The following HACD1 variants were observed in gnomAD, a reference collection of about 807,000 sequenced individuals.
HACD1 encodes the protein 3-hydroxyacyl-CoA dehydratase 1, also known as very-long-chain (3R)-3-hydroxyacyl-CoA dehydratase 1.
Under a neutral mutation model 32.0 loss-of-function variants are expected in HACD1, and 41 were observed. The ratio of observed to expected loss-of-function variants is 1.28; its 90% CI spans 1.00 to 1.66. The LOEUF (loss-of-function observed/expected upper bound fraction) is 1.66, where lower values mean the gene tolerates loss of function less well. Ranked by LOEUF, HACD1 falls within the 40% of genes most tolerant of loss-of-function variation. The probability of loss-of-function intolerance (pLI) is 0.00; values close to 1 mark genes in which losing one functional copy is unlikely to be tolerated. For missense variants in HACD1, 396 were observed against 380.1 expected (o/e 1.04, Z -0.35); for synonymous variants, 142 against 139.0 (o/e 1.02, Z -0.15).
chr10:17,597,936 A>T (rs1481280225), intron 5 of HACD1, among the ~76,000 whole-genome samples: 1 of 152,196 alleles, frequency 6.6e-6, no homozygotes, highest in Non-Finnish European at 1.5e-5. Context: ...TGTCTAAAAA[A>T]GAGCTAGAGA....
intron 4 of HACD1, among the ~76,000 whole-genome samples, chr10:17,601,924 G>A (rs1203602450): frequency 2.0e-5 from 3 of 151,982 alleles, no homozygotes; most frequent in Non-Finnish European, 2.9e-5. Flanking sequence ...ACAGAGAAGA[G>A]GTCAGGTGTC....
intron 1 of HACD1, among the ~76,000 whole-genome samples, chr10:17,615,134 G>T (rs569188708): frequency 1.3e-5 from 2 of 152,328 alleles, no homozygotes; most frequent in South Asian, 4.1e-4. Flanking sequence ...GCATCATTTC[G>T]TGATTGCTGA....
At chr10:17,616,867 G>A (rs960110043) in intron 1 of HACD1, among the ~76,000 whole-genome samples, 22 of 151,822 alleles carry the variant, frequency 1.4e-4, no homozygotes, top group Non-Finnish European at 7.4e-5. Flanking sequence ...CCAGCGCCCC[G>A]CCGTGCACCG....
At position 17,594,194 on chromosome 10, in the gene HACD1, T is replaced by C; in HGVS notation, c.784+11A>G. On this transcript the variant is annotated intron_variant, in intron 6 of 6. Coordinates refer to ENST00000361271, the MANE Select transcript of HACD1 (RefSeq NM_014241.4). ...TATGTCAAATCAAAGTACTAATAAG[T>C]ATATACTTACAAGGTATATATGATG... 3.4e-6 allele frequency: 5 copies of C among 1,458,574 alleles called. No individual in the cohort carries two copies. Among genetic ancestry groups the C allele is most frequent in the Non-Finnish European group, 4.6e-6 (5 of 1,093,506 alleles). The allele number at this position is 1,458,574 out of a possible 1,614,324, so 90.4% of individuals were successfully genotyped here.
intron 1 of HACD1, among the ~76,000 whole-genome samples, chr10:17,611,435 T>A (rs1337764478): frequency 2.0e-5 from 3 of 152,246 alleles, no homozygotes; most frequent in African/African-American, 7.2e-5. Flanking sequence ...CAGAAAACTT[T>A]CTCTAATTCT....
chr10:17,613,097 GGTGTGTGT>G (rs56074507), intron 1 of HACD1, among the ~76,000 whole-genome samples: 2,502 of 132,824 alleles, frequency 0.019, 41 homozygotes, highest in African/African-American at 0.036. Flanking sequence ...TGCAATTTGG[GGTGTGTGT>G]GTGTGTGTGT....
chr10:17,615,912 G>A, intron 1 of HACD1: 1 of 411,704 alleles, frequency 2.4e-6, no homozygotes, highest in South Asian at 1.7e-5. Context: ...GGTTGGCAGT[G>A]AGCGGAGATC....
chr10:17,612,737 G>A (rs925669446), intron 1 of HACD1, among the ~76,000 whole-genome samples: 12 of 152,004 alleles, frequency 7.9e-5, no homozygotes, highest in African/African-American at 2.4e-4. Context: ...TGGCCAACAC[G>A]GTGAAATCCC....
At chr10:17,591,309 C>T (rs562070332) in intron 6 of HACD1, among the ~76,000 whole-genome samples, 9 of 152,206 alleles carry the variant, frequency 5.9e-5, no homozygotes, top group African/African-American at 1.9e-4. Context: ...CATGGATCAA[C>T]GAAGAAGCCT....
At chr10:17,596,355 A>G (rs1833995017) in intron 5 of HACD1, among the ~76,000 whole-genome samples, 1 of 152,192 alleles carries the variant, frequency 6.6e-6, no homozygotes, top group South Asian at 2.1e-4. Flanking sequence ...TTATTTGTGT[A>G]TCATTTAAAT....
At chr10:17,610,513 G>T (rs553383246) in intron 1 of HACD1, among the ~76,000 whole-genome samples, 12 of 152,040 alleles carry the variant, frequency 7.9e-5, no homozygotes, top group Non-Finnish European at 1.3e-4. Context: ...GCCAGGTGTG[G>T]TGGCACGTGA....
intron 5 of HACD1, among the ~76,000 whole-genome samples, chr10:17,597,029 T>A (rs1263828682): frequency 2.0e-5 from 3 of 152,232 alleles, no homozygotes; most frequent in African/African-American, 4.8e-5. Flanking sequence ...CTGGGATTTT[T>A]AAGATCTTTT....
chr10:17,610,096 GACATGT>G (rs1834211353), intron 1 of HACD1, among the ~76,000 whole-genome samples: 1 of 151,762 alleles, frequency 6.6e-6, no homozygotes, highest in East Asian at 1.9e-4. Context: ...TTCGTACATA[GACATGT>G]ACATGCATGC....
In HACD1 at chr10:17,590,390, C is replaced by A. The variant is rs1554815466; in HGVS notation, c.841G>T (p.Glu281Ter). The change falls in exon 7 of 7, where the codon GAG (glutamate) becomes TAG (stop). Residue 281 changes from glutamate (E) to a stop codon, truncating the protein, a stop_gained. Transcript: ENST00000361271. LOFTEE classifies it high-confidence loss of function. ...TAATCATCCTTTTCTACAATCACCT[C>A]TCCATGAAGCACCTTTCTTCTTTGA... ...LRQRRKVLHGEVIVEKDD is the reference protein window; with the variant it reads ...LRQRRKVLHG The A allele has an allele frequency of 6.2e-7, 1 of 1,603,328 alleles. No homozygotes were observed. The highest frequency in any genetic ancestry group is 1.3e-5 in the African/African-American group (1 of 74,518).
rs1319263719 is a variant in HACD1 at position 17,591,246 on chromosome 10, C to A, written c.785-800G>T. Among the ~76,000 whole-genome samples, 5 of 152,186 alleles carry A rather than the reference C, an allele frequency of 3.3e-5. No homozygotes were observed. In the East Asian group the frequency reaches 9.7e-4, roughly 30 times the overall value. On this transcript the variant is annotated intron_variant, in intron 6 of 6. Transcript: ENST00000361271. ...CCCCTCACAAACAGCTGCCCCCTGG[C>A]TATCCTGTTTTCTCAGGGGTGCGTA...
chr10:17,608,051 C>T (rs1240638082), intron 1 of HACD1, among the ~76,000 whole-genome samples: 3 of 152,110 alleles, frequency 2.0e-5, no homozygotes, highest in Admixed American at 6.6e-5. Flanking sequence ...CGCTCTGTCC[C>T]GCAGGCTGGA....
chr10:17,603,651 TA>T lies in HACD1; in HGVS notation c.395-4del. 1 of 1,612,106 alleles carries T rather than the reference TA, an allele frequency of 6.2e-7. No homozygotes were observed. Among genetic ancestry groups the T allele is most frequent in the Non-Finnish European group, 8.5e-7 (1 of 1,178,546 alleles). On this transcript the variant is annotated splice_region_variant and splice_polypyrimidine_tract_variant and intron_variant, in intron 3 of 6. Transcript: ENST00000361271. ...AATCACAGAAGTAGGTACAATTCCT[TA>T]AAAAGAAAAACAAGTGAACTATTGC... is the stretch of plus-strand genomic sequence containing the variant.
intron 1 of HACD1, among the ~76,000 whole-genome samples, chr10:17,611,966 T>C (rs1554817545): frequency 6.7e-6 from 1 of 149,292 alleles, no homozygotes; most frequent in African/African-American, 2.5e-5. Flanking sequence ...GACTCTGTCT[T>C]GAAAAAAAAA....
intron 1 of HACD1, 70 bp downstream of exon 1, chr10:17,617,013 C>A (rs1246533398): frequency 1.5e-6 from 2 of 1,321,512 alleles, no homozygotes; most frequent in Non-Finnish European, 1.9e-6. Context: ...CCGGCCCGCG[C>A]CCCCTGAACC....
Sources: gnomAD v4.1 joint callset for allele counts (sites outside exome capture counted in the v4.1 genomes callset) on GRCh38, gnomAD v4.1.1 for gene constraint, MANE v1.5 for transcripts, NCBI Gene and HGNC (gene_info 2026-07-23, HGNC 2026-07-21) for gene names.